ATP8B1: variants seen among roughly 807,000 people sequenced by gnomAD.
ATP8B1 encodes the protein ATPase phospholipid transporting 8B1, also known as phospholipid-transporting ATPase IC.
Under a neutral mutation model 149.9 loss-of-function variants are expected in ATP8B1, and 80 were observed. That is an observed-to-expected ratio of 0.53 (90% CI 0.45 to 0.64). The LOEUF (loss-of-function observed/expected upper bound fraction) is 0.64. Ranked by LOEUF, ATP8B1 falls within the 30% of genes least tolerant of loss-of-function variation. The pLI, the probability that ATP8B1 is intolerant of heterozygous loss-of-function variation, is 0.00. For synonymous variants in ATP8B1, 536 were observed against 562.8 expected (o/e 0.95, Z 0.67); for missense variants, 1,247 against 1,552.6 (o/e 0.80, Z 3.31).
At chr18:57,653,117 C>CT (rs1909737806) in intron 24 of ATP8B1, among the ~76,000 whole-genome samples, 1 of 152,030 alleles carries the variant, frequency 6.6e-6, no homozygotes, top group Admixed American at 6.6e-5. Flanking sequence ...TAAATTATTA[C>CT]TTTTTAGTCT....
At chr18:57,765,696 G>T (rs1392828692) in intron 1 of ATP8B1, among the ~76,000 whole-genome samples, 2 of 151,278 alleles carry the variant, frequency 1.3e-5, no homozygotes, top group Non-Finnish European at 2.9e-5. Context: ...AAAGGTTAAG[G>T]TCAAGCGCAT....
At chr18:57,764,391 T>C (rs1336598302) in intron 1 of ATP8B1, among the ~76,000 whole-genome samples, 1 of 148,228 alleles carries the variant, frequency 6.7e-6, no homozygotes, top group Non-Finnish European at 1.5e-5. Context: ...TTTTCTCTCT[T>C]TCTCTCTTTC....
chr18:57,686,310 TAATAA>T (rs1912241625), intron 13 of ATP8B1, among the ~76,000 whole-genome samples: 1 of 152,020 alleles, frequency 6.6e-6, no homozygotes, highest in South Asian at 2.1e-4. Flanking sequence ...GAAATACACA[TAATAA>T]AATTTACCAT....
chr18:57,707,120 G>T (rs990311094), intron 2 of ATP8B1, among the ~76,000 whole-genome samples: 2 of 152,096 alleles, frequency 1.3e-5, no homozygotes, highest in Non-Finnish European at 2.9e-5. Context: ...GCCTGGCCAA[G>T]GTGGTGAAAC....
intron 1 of ATP8B1, chr18:57,732,057 C>A (rs1029605206): frequency 4.3e-5 from 17 of 391,642 alleles, no homozygotes; most frequent in African/African-American, 3.4e-4. Flanking sequence ...GAGCTGCAAA[C>A]CTTTTATTTT....
At chr18:57,776,619 T>C (rs1246741800) in intron 1 of ATP8B1, among the ~76,000 whole-genome samples, 1 of 151,694 alleles carries the variant, frequency 6.6e-6, no homozygotes, top group Non-Finnish European at 1.5e-5. Flanking sequence ...ATATCTGTTC[T>C]CAGGACTCAT....
At chr18:57,754,420 A>C (rs1312312300) in intron 1 of ATP8B1, among the ~76,000 whole-genome samples, 2 of 142,214 alleles carry the variant, frequency 1.4e-5, no homozygotes, top group Non-Finnish European at 3.0e-5. Flanking sequence ...CTTGGGTGAC[A>C]GAGTGAGACT....
chr18:57,787,842 T>C (rs1260352026), intron 1 of ATP8B1, among the ~76,000 whole-genome samples: 1 of 152,198 alleles, frequency 6.6e-6, no homozygotes, highest in East Asian at 1.9e-4. Context: ...TAAAATTTTA[T>C]ACATCTTCTA....
intron 20 of ATP8B1, 102 bp from the exon 21 acceptor site, chr18:57,662,717 G>C: frequency 7.7e-7 from 1 of 1,303,710 alleles, no homozygotes; most frequent in Non-Finnish European, 1.1e-6. Context: ...AAAAAACAAA[G>C]TTTACCATCT....
chr18:57,707,237 A>C (rs929528342), intron 2 of ATP8B1, among the ~76,000 whole-genome samples: 2 of 152,084 alleles, frequency 1.3e-5, no homozygotes, highest in Non-Finnish European at 2.9e-5. Flanking sequence ...TGGAGGTTGC[A>C]GTGAGCTGAG....
Position 57,673,994 on chromosome 18 carries a change from A to C in ATP8B1, c.1819+840T>G, listed in dbSNP as rs556038154. On this transcript the variant is annotated intron_variant, in intron 16 of 27. Coordinates refer to ENST00000648908, the MANE Select transcript of ATP8B1 (RefSeq NM_001374385.1). The stretch of plus-strand genomic sequence containing the variant: ...AGAGAGCACTCAGAGGTGCTCAAAA[A>C]ATAAAAGAGCATGTGTTGTTTAAAA... Among the ~76,000 whole-genome samples the C allele has an allele frequency of 2.0e-5, 3 of 152,254 alleles. No homozygotes were observed. In the South Asian group the frequency reaches 6.2e-4, roughly 32 times the overall value.
chr18:57,719,678 G>A (rs1568210566), intron 2 of ATP8B1, among the ~76,000 whole-genome samples: 1 of 152,228 alleles, frequency 6.6e-6, no homozygotes, highest in Non-Finnish European at 1.5e-5. Flanking sequence ...CAGCGAGGCT[G>A]GGGGAGAGGT....
rs57382708 is a variant in ATP8B1 at position 57,704,297 on chromosome 18, C to G, written c.393+258G>C. Among the ~76,000 whole-genome samples the G allele has an allele frequency of 0.031, 4,740 of 152,170 alleles. 264 individuals carry two copies. The highest frequency in any genetic ancestry group is 0.11 in the African/African-American group (4,476 of 41,504). ...TTTAGTTTTATTCACTTCAGGGATA[C>G]CAATTTTAACACCCATATCAGTATA... On this transcript the variant is annotated intron_variant, in intron 4 of 27. Coordinates refer to ENST00000648908, the MANE Select transcript of ATP8B1 (RefSeq NM_001374385.1).
chr18:57,735,967 G>GCCCCCCCC (rs59140378), intron 1 of ATP8B1, among the ~76,000 whole-genome samples: 64 of 134,466 alleles, frequency 4.8e-4, no homozygotes, highest in South Asian at 1.0e-3. Flanking sequence ...CCCATTCCTT[G>GCCCCCCCC]CCCCCCCCAC....
intron 2 of ATP8B1, among the ~76,000 whole-genome samples, chr18:57,721,266 T>C (rs1305194318): frequency 6.8e-6 from 1 of 148,002 alleles, no homozygotes; most frequent in Non-Finnish European, 1.5e-5. Context: ...TAAATGTAAA[T>C]GGACTAAATT....
At chr18:57,786,144 T>A (rs1163486033) in intron 1 of ATP8B1, among the ~76,000 whole-genome samples, 1 of 152,194 alleles carries the variant, frequency 6.6e-6, no homozygotes, top group East Asian at 1.9e-4. Context: ...GGGGCTGAGC[T>A]ACAACATGAG....
At chr18:57,746,909 A>AT (rs1405587756) in intron 1 of ATP8B1, among the ~76,000 whole-genome samples, 1 of 152,192 alleles carries the variant, frequency 6.6e-6, no homozygotes, top group African/African-American at 2.4e-5. Flanking sequence ...GATGGTTTGC[A>AT]TGTCAAGGCA....
At chr18:57,730,483 C>G (rs2079751452) in intron 2 of ATP8B1, among the ~76,000 whole-genome samples, 2 of 152,146 alleles carry the variant, frequency 1.3e-5, no homozygotes, top group African/African-American at 4.8e-5. Context: ...GATATCAAAT[C>G]TGGGGTCCAG....
intron 15 of ATP8B1, among the ~76,000 whole-genome samples, chr18:57,676,432 C>T (rs910490863): frequency 1.3e-5 from 2 of 151,260 alleles, no homozygotes; most frequent in Non-Finnish European, 2.9e-5. Flanking sequence ...AAAAAAAAAC[C>T]ACACAGGCTG....
Sources: gnomAD v4.1 joint callset for allele counts (sites outside exome capture counted in the v4.1 genomes callset) on GRCh38, gnomAD v4.1.1 for gene constraint, MANE v1.5 for transcripts, NCBI Gene and HGNC (gene_info 2026-07-23, HGNC 2026-07-21) for gene names.